Variants in STARD8 observed in about 807,000 individuals in gnomAD.
STARD8 encodes the protein StAR related lipid transfer domain containing 8, also known as stAR-related lipid transfer protein 8.
In STARD8, 25 loss-of-function variants were observed where a neutral mutation model predicts 69.4. The observed-to-expected ratio is 0.36, with a 90% CI of 0.26 to 0.50. The LOEUF is 0.50. Among genes scored for constraint, STARD8 ranks in the 20% least tolerant of loss-of-function variants. STARD8 has a pLI of 0.96. For missense variants in STARD8, 921 were observed against 932.5 expected (o/e 0.99, Z 0.16); for synonymous variants, 389 against 374.6 (o/e 1.04, Z -0.45).
intron 2 of STARD8, among the ~76,000 whole-genome samples, chrX:68,691,172 C>T (rs2079874312): frequency 8.9e-6 from 1 of 111,805 alleles, no homozygotes; most frequent in South Asian, 3.7e-4. Flanking sequence ...TTTTCTTTTG[C>T]CAGGCCTTGG....
At chrX:68,724,145 T>C (rs1051034526) in intron 14 of STARD8, 24 bp downstream of exon 14, 1 of 1,201,573 alleles carries the variant, frequency 8.3e-7, no homozygotes, top group African/African-American at 1.7e-5. Flanking sequence ...GACAGCCTGC[T>C]CGACCCCCTT....
At chrX:68,653,667 C>A (rs762227258) in intron 1 of STARD8, among the ~76,000 whole-genome samples, 1 of 87,366 alleles carries the variant, frequency 1.1e-5, no homozygotes, top group East Asian at 4.0e-4. Context: ...CACATACACC[C>A]CCCAACACAC....
At chrX:68,668,057 T>TTTTCTTTCTTTCTTTCTTTCTTTCTTTC (rs1200805148) in intron 2 of STARD8, among the ~76,000 whole-genome samples, 1 of 71,566 alleles carries the variant, frequency 1.4e-5, no homozygotes, top group Non-Finnish European at 2.7e-5. Context: ...TCTCTCTTTC[T>TTTTCTTTCTTTCTTTCTTTCTTTCTTTC]TTTCTTTCTT....
chrX:68,661,970 CTCTT>C (rs1169605331), intron 1 of STARD8, among the ~76,000 whole-genome samples: 6,373 of 55,670 alleles, frequency 0.11, 452 homozygotes, highest in Middle Eastern at 0.18. Context: ...CTCTCTCTCT[CTCTT>C]TCTTTCTTTC....
chrX:68,715,072 T>C (rs748852849), intron 3 of STARD8, among the ~76,000 whole-genome samples: 1 of 110,857 alleles, frequency 9.0e-6, no homozygotes, highest in Non-Finnish European at 1.9e-5. Flanking sequence ...CCTTACTGAC[T>C]GACAGAGTTC....
At chrX:68,721,966 G>T (rs2080153144) in intron 10 of STARD8, 81 bp from the exon 11 acceptor site, 1 of 966,491 alleles carries the variant, frequency 1.0e-6, no homozygotes, top group Non-Finnish European at 1.4e-6. Flanking sequence ...TGGCTTCCTG[G>T]CAGCTAGAAG....
chrX:68,724,390 C>T lies in STARD8; in HGVS notation c.3280C>T (p.Leu1094=), dbSNP rs1356302495. 3.3e-6 allele frequency: 4 copies of T among 1,205,125 alleles called. No homozygotes were observed. In the Admixed American group the frequency reaches 8.8e-5, roughly 26 times the overall value. The change falls in exon 15 of 15, where the codon CTG becomes TTG. Residue 1094 remains leucine, a synonymous_variant. Coordinates refer to ENST00000374599, the MANE Select transcript of STARD8 (RefSeq NM_001142503.3). ...AAAGATCCGGGACTCCTTCCCCACC[C>T]TGCAGGCAGCGGGCCCTGAGACAAA... is the stretch of plus-strand genomic sequence containing the variant. The part of the protein sequence containing the change: ...VAKIRDSFPT[L]QAAGPETKL
At chrX:68,655,104 TAC>T (rs1432658345) in intron 1 of STARD8, among the ~76,000 whole-genome samples, 2 of 111,693 alleles carry the variant, frequency 1.8e-5, no homozygotes, top group African/African-American at 6.5e-5. Context: ...ATGCCATCAC[TAC>T]AGAGTTGCCT....
chrX:68,711,237 C>T (rs1345010378), intron 2 of STARD8, among the ~76,000 whole-genome samples: 1 of 110,749 alleles, frequency 9.0e-6, no homozygotes, highest in East Asian at 2.8e-4. Flanking sequence ...CACACACACA[C>T]ACACACACAC....
intron 2 of STARD8, among the ~76,000 whole-genome samples, chrX:68,688,872 A>G (rs1216618956): frequency 2.9e-5 from 3 of 104,147 alleles, no homozygotes; most frequent in African/African-American, 7.0e-5. Context: ...AGCCCTGTGC[A>G]TGCTGGACTT....
intron 1 of STARD8, among the ~76,000 whole-genome samples, chrX:68,652,867 A>ACC (rs1569350733): frequency 1.2e-3 from 2 of 1,630 alleles, no homozygotes; most frequent in African/African-American, 5.3e-3. Flanking sequence ...CCACACACAC[A>ACC]CACACCCACA....
rs192888609 is a variant in STARD8 at position 68,655,245 on chromosome X, T to C, written c.45+7318T>C. On this transcript the variant is annotated intron_variant, in intron 1 of 14. Transcript: ENST00000374599. Reference sequence around the variant, plus strand: ...ATGTGTGTGTGTGTGTGTCTGTCTGTCTGTGAGTGGAAGTACTAATGTACA... The same window carrying C: ...ATGTGTGTGTGTGTGTGTCTGTCTGCCTGTGAGTGGAAGTACTAATGTACA... Among the ~76,000 whole-genome samples the C allele has an allele frequency of 3.6e-3, 404 of 112,357 alleles. 2 individuals are homozygous for C. The highest frequency in any genetic ancestry group is 7.8e-3 in the South Asian group (21 of 2,700).
At chrX:68,650,906 C>T (rs768530677) in intron 1 of STARD8, among the ~76,000 whole-genome samples, 2 of 112,779 alleles carry the variant, frequency 1.8e-5, no homozygotes, top group African/African-American at 3.2e-5. Context: ...GACGTTTGCA[C>T]GCATTCACTT....
intron 2 of STARD8, among the ~76,000 whole-genome samples, chrX:68,683,439 AC>A (rs1251323260): frequency 1.8e-5 from 2 of 111,907 alleles, no homozygotes; most frequent in Admixed American, 9.4e-5. Flanking sequence ...CACATGACAA[AC>A]ACTCCATAAA....
Position 68,693,743 on chromosome X carries a change from A to C in STARD8, c.80-19171A>C. On this transcript the variant is annotated intron_variant, in intron 2 of 14. Transcript: ENST00000374599. ...ACCCCAGGCCCCGCGTGTGTCCCGG[A>C]CGGAGCAGTCCCTCCTGGGCTCGCC... 5 of 755,005 alleles carry C rather than the reference A, an allele frequency of 6.6e-6. No homozygotes were observed. In the South Asian group the frequency reaches 2.7e-4, roughly 41 times the overall value. The allele number at this position is 755,005 out of a possible 1,213,427, so 62.2% of individuals were successfully genotyped here.
chrX:68,659,230 G>T (rs1233373808), intron 1 of STARD8, among the ~76,000 whole-genome samples: 2 of 111,972 alleles, frequency 1.8e-5, no homozygotes, highest in Non-Finnish European at 3.8e-5. Context: ...TGAATGTAAA[G>T]ATAGTTGATT....
chrX:68,725,833 T>C lies in STARD8; in HGVS notation c.*1411T>C, dbSNP rs991700232. ...CAAATCAATAAAGCATTACCAGAGA[T>C]GCACTTTAACTGTGTGGCTGTCTTT... is the stretch of plus-strand genomic sequence containing the variant. On this transcript the variant is annotated 3_prime_UTR_variant, in exon 15 of 15. Transcript: ENST00000374599. 7.3e-5 allele frequency: 8 copies of C among 109,310 alleles called. No homozygotes were observed. The highest frequency in any genetic ancestry group is 2.7e-4 in the African/African-American group (8 of 29,904). 9.0% of individuals were successfully genotyped at this position (109,310 alleles called of 1,213,427 possible).
At chrX:68,679,689 C>CTA in intron 2 of STARD8, among the ~76,000 whole-genome samples, 1 of 112,289 alleles carries the variant, frequency 8.9e-6, no homozygotes, top group Non-Finnish European at 1.9e-5. Context: ...AGACAAAGCC[C>CTA]TATCCACATG....
At chrX:68,659,940 G>C (rs925873983) in intron 1 of STARD8, among the ~76,000 whole-genome samples, 2 of 111,260 alleles carry the variant, frequency 1.8e-5, no homozygotes, top group African/African-American at 6.5e-5. Context: ...TTGCCAAGGG[G>C]AGACTTATAA....
Sources: allele counts gnomAD v4.1 joint callset (sites outside exome capture counted in the v4.1 genomes callset), GRCh38; gene constraint gnomAD v4.1.1; transcripts MANE v1.5; gene names NCBI Gene and HGNC (gene_info 2026-07-23, HGNC 2026-07-21).